IAH1: variants seen among roughly 807,000 people sequenced by gnomAD.
The protein encoded by IAH1 is isoamyl acetate-hydrolyzing esterase 1 homolog.
A neutral mutation model predicts 26.7 loss-of-function variants in IAH1; 24 were observed. The ratio of observed to expected loss-of-function variants is 0.90; its 90% CI spans 0.65 to 1.26. The LOEUF is 1.26. IAH1 is among the 50% of genes most tolerant of loss of function. IAH1 has a pLI of 0.00. For synonymous variants in IAH1, 140 were observed against 118.5 expected (o/e 1.18, Z -1.18); for missense variants, 300 against 299.9 (o/e 1.00, Z 0.00).
intron 5 of IAH1, chr2:9,487,650 G>C (rs1163368507): frequency 6.5e-6 from 1 of 153,590 alleles, no homozygotes; most frequent in East Asian, 1.9e-4. Context: ...TAGCACATCA[G>C]TGCTACTGTA....
At chr2:9,506,328 A>T in the IAH1 span, among the ~76,000 whole-genome samples, 1 of 149,806 alleles carries the variant, frequency 6.7e-6, no homozygotes, top group Admixed American at 6.7e-5. Context: ...CAGAAATACT[A>T]ACTGGCTTTT....
intron 4 of IAH1, 128 bp from the exon 5 acceptor site, chr2:9,484,304 C>G (rs1180417147): frequency 1.3e-6 from 1 of 748,240 alleles, no homozygotes; most frequent in East Asian, 2.5e-5. Context: ...CCCTAAACCC[C>G]GGGGCTGGCC....
chr2:9,484,024 C>T (rs1661335283), intron 4 of IAH1, among the ~76,000 whole-genome samples: 4 of 152,212 alleles, frequency 2.6e-5, no homozygotes, highest in East Asian at 1.9e-4. Context: ...GCGGTGTCAG[C>T]GCAGCGTTCA....
chr2:9,477,836 C>G (rs2124900656), intron 2 of IAH1, among the ~76,000 whole-genome samples: 1 of 152,100 alleles, frequency 6.6e-6, no homozygotes, highest in African/African-American at 2.4e-5. Context: ...AAATATAAAC[C>G]AAACTAAACT....
intron 6 of IAH1, among the ~76,000 whole-genome samples, chr2:9,495,673 C>G (rs959933274): frequency 6.7e-6 from 1 of 150,070 alleles, no homozygotes; most frequent in Admixed American, 6.6e-5. Context: ...GAGATCGCGC[C>G]ACTGCACTCC....
chr2:9,502,303 G>A, the IAH1 span: 1 of 1,568,524 alleles, frequency 6.4e-7, no homozygotes, highest in Non-Finnish European at 8.8e-7. Flanking sequence ...GACAGGAACA[G>A]AGCAATTCAA....
At chr2:9,487,929 G>A (rs1012043371) in intron 5 of IAH1, among the ~76,000 whole-genome samples, 1 of 151,974 alleles carries the variant, frequency 6.6e-6, no homozygotes, top group Non-Finnish European at 1.5e-5. Flanking sequence ...CAACTCCTGG[G>A]CTTAAGTGAT....
In IAH1 at chr2:9,476,019, G is replaced by C; in HGVS notation, c.114G>C (p.Ser38=). 2 of 1,613,616 alleles carry C rather than the reference G, an allele frequency of 1.2e-6. No individual in the cohort carries two copies. The highest frequency in any genetic ancestry group is 1.7e-5 in the Admixed American group (1 of 59,994). ...TCCAGCAGGGTGGATGGGGAGCATC[G>C]CTGGCTGACAGGCTGGTCAGGTGAG... The part of the protein sequence containing the change: ...FSFQQGGWGA[S]LADRLVRKCD... Residue 38 remains serine, a synonymous_variant, in exon 2 of 6, where the codon TCG becomes TCC. Coordinates refer to ENST00000497473, the MANE Select transcript of IAH1 (RefSeq NM_001039613.3).
chr2:9,504,482 T>A, the IAH1 span, among the ~76,000 whole-genome samples: 1 of 133,532 alleles, frequency 7.5e-6, no homozygotes, highest in Non-Finnish European at 1.6e-5. Context: ...AAAAAGATTA[T>A]TTTGCCAGGC....
upstream of IAH1, among the ~76,000 whole-genome samples, chr2:9,474,323 G>T (rs903412443): frequency 6.6e-6 from 1 of 152,210 alleles, no homozygotes; most frequent in African/African-American, 2.4e-5. This position sits in a 1 kb window ranked among gnomAD's most constrained non-coding sequence, Gnocchi z 4.3. Flanking sequence ...GCCCCCAACC[G>T]CTTTTCTTCC....
At chr2:9,492,905 T>A, downstream of IAH1, 1 of 1,610,946 alleles carries the variant, frequency 6.2e-7, no homozygotes, top group Non-Finnish European at 8.5e-7. Flanking sequence ...TACCACACAA[T>A]GGACAAGAAT....
In IAH1 at chr2:9,481,508, ATAGGAC is replaced by A. The variant is rs1661173202; in HGVS notation, c.445+62_445+67del. 1.3e-4 allele frequency: 206 copies of A among 1,551,182 alleles called. 2 individuals are homozygous for A. In the South Asian group the frequency reaches 2.2e-3, roughly 17 times the overall value. On this transcript the variant is annotated intron_variant, in intron 4 of 5. Transcript: ENST00000497473. ...TAGGAATGCTGAGGGAGGAACTCTG[ATAGGAC>A]AGTGGTTTCCTGCCTGGGGCTTCTG... is the stretch of plus-strand genomic sequence containing the variant.
downstream of IAH1, chr2:9,493,887 A>C: frequency 1.4e-6 from 2 of 1,412,382 alleles, no homozygotes; most frequent in Non-Finnish European, 2.0e-6. Context: ...GAAGCAATGT[A>C]GCTTTATAAA....
chr2:9,502,184 G>A, the IAH1 span: 1 of 1,613,880 alleles, frequency 6.2e-7, no homozygotes, highest in Non-Finnish European at 8.5e-7. Flanking sequence ...TGTGCAGTAG[G>A]ACACGCCTTT....
chr2:9,498,191 G>C (rs1299912334), downstream of IAH1, among the ~76,000 whole-genome samples: 1 of 150,802 alleles, frequency 6.6e-6, no homozygotes, highest in Non-Finnish European at 1.5e-5. Flanking sequence ...CACCATACCT[G>C]GCTAATTTTC....
upstream of IAH1, chr2:9,474,545 C>CCCCGT (rs2124886384): frequency 7.0e-7 from 1 of 1,429,600 alleles, no homozygotes; most frequent in Non-Finnish European, 9.2e-7. This position sits in a 1 kb window ranked among gnomAD's most constrained non-coding sequence, Gnocchi z 4.3. Flanking sequence ...GGCGGCCCCG[C>CCCCGT]CCCGCCCCGC....
downstream of IAH1, among the ~76,000 whole-genome samples, chr2:9,500,717 G>A (rs1053156764): frequency 6.6e-6 from 1 of 152,048 alleles, no homozygotes; most frequent in South Asian, 2.1e-4. Context: ...AAAAAACATC[G>A]CAAGGGTAAA....
chr2:9,496,001 A>G (rs1040767577), intron 6 of IAH1, among the ~76,000 whole-genome samples: 3 of 151,392 alleles, frequency 2.0e-5, no homozygotes, highest in African/African-American at 7.3e-5. Context: ...CCCTCAACCT[A>G]TCTTCTTTAC....
At chr2:9,491,275 G>A, downstream of IAH1, 2 of 813,352 alleles carry the variant, frequency 2.5e-6, no homozygotes, top group Non-Finnish European at 3.9e-6. Flanking sequence ...GAAAGTGATA[G>A]CAGGCTCAAC....
Sources: allele counts gnomAD v4.1 joint callset (sites outside exome capture counted in the v4.1 genomes callset), GRCh38; gene constraint gnomAD v4.1.1; non-coding constraint Gnocchi (gnomAD v3.1); transcripts MANE v1.5; gene names NCBI Gene and HGNC (gene_info 2026-07-23, HGNC 2026-07-21).